The following GDPD1 variants were observed in gnomAD, a reference collection of about 807,000 sequenced individuals.
GDPD1 encodes the protein glycerophosphodiester phosphodiesterase domain containing 1, also known as lysophospholipase D GDPD1.
A neutral mutation model predicts 45.1 loss-of-function variants in GDPD1; 28 were observed. The ratio of observed to expected loss-of-function variants is 0.62; its 90% CI spans 0.46 to 0.85. GDPD1 has a LOEUF of 0.85. Ranked by LOEUF, GDPD1 falls within the 40% of genes least tolerant of loss-of-function variation. The pLI is 0.00. For missense variants in GDPD1, 256 were observed against 364.8 expected (o/e 0.70, Z 2.43); for synonymous variants, 139 against 131.4 (o/e 1.06, Z -0.40).
At position 59,220,615 on chromosome 17, in the gene GDPD1, G is replaced by T; in HGVS notation, c.6G>T (p.Ser2=). ...CTTCCCACACGGTGACTGAGATGTC[G>T]TCCACTGCGGCTTTTTACCTTCTCT... The part of the protein sequence containing the change: M[S]STAAFYLLST... The change falls in exon 1 of 10, where the codon TCG becomes TCT. Residue 2 remains serine (S), a synonymous_variant. Transcript: ENST00000284116. 1 of 1,613,532 alleles carries T rather than the reference G, an allele frequency of 6.2e-7. No homozygotes were observed. Among genetic ancestry groups the T allele is most frequent in the Non-Finnish European group, 8.5e-7 (1 of 1,179,734 alleles).
At chr17:59,249,578 A>C (rs892394958) in intron 4 of GDPD1, among the ~76,000 whole-genome samples, 7 of 152,148 alleles carry the variant, frequency 4.6e-5, no homozygotes, top group Non-Finnish European at 1.0e-4. Context: ...AGTCATCTTC[A>C]GTTAGCTGTT....
chr17:59,221,077 TC>T (rs1216117193), intron 1 of GDPD1, among the ~76,000 whole-genome samples: 1 of 151,768 alleles, frequency 6.6e-6, no homozygotes, highest in Non-Finnish European at 1.5e-5. Flanking sequence ...CAAGGTCCCT[TC>T]CTAGCAGCAA....
chr17:59,248,182 G>T (rs1382159951), intron 3 of GDPD1, among the ~76,000 whole-genome samples: 8 of 151,760 alleles, frequency 5.3e-5, no homozygotes, highest in East Asian at 1.9e-4. Flanking sequence ...CCAAAAGAAG[G>T]CCTCCCAAAA....
chr17:59,263,296 T>C (rs2047372240), intron 6 of GDPD1, among the ~76,000 whole-genome samples: 2 of 152,026 alleles, frequency 1.3e-5, no homozygotes, highest in Admixed American at 1.3e-4. Flanking sequence ...TCTCCCAAAG[T>C]GCTGAGATTA....
chr17:59,234,336 G>A (rs1291190082), intron 1 of GDPD1, among the ~76,000 whole-genome samples, 156 bp from the exon 2 acceptor site: 1 of 148,840 alleles, frequency 6.7e-6, no homozygotes, highest in Non-Finnish European at 1.5e-5. Context: ...GGGTGACAGA[G>A]CAAGACTCCG....
At chr17:59,258,467 C>T (rs758335964) in intron 6 of GDPD1, among the ~76,000 whole-genome samples, 6 of 151,890 alleles carry the variant, frequency 4.0e-5, no homozygotes, top group Admixed American at 1.3e-4. Flanking sequence ...CACTTGAACC[C>T]GGGAAGCAGA....
intron 7 of GDPD1, among the ~76,000 whole-genome samples, chr17:59,268,432 C>A (rs887730396): frequency 2.0e-5 from 3 of 151,158 alleles, no homozygotes; most frequent in East Asian, 2.0e-4. Context: ...AAAAAAAATT[C>A]TCCGGGCGTG....
chr17:59,266,793 G>T (rs28624875), intron 6 of GDPD1, among the ~76,000 whole-genome samples: 1 of 152,188 alleles, frequency 6.6e-6, no homozygotes, highest in African/African-American at 2.4e-5. Context: ...TATTGCAAAA[G>T]CAGAGACGGT....
At chr17:59,265,793 A>G (rs1004872709) in intron 6 of GDPD1, among the ~76,000 whole-genome samples, 1 of 150,232 alleles carries the variant, frequency 6.7e-6, no homozygotes, top group African/African-American at 2.5e-5. Context: ...CCCATCTATT[A>G]CAACTCAGGA....
At chr17:59,264,189 C>A (rs9916395) in intron 6 of GDPD1, among the ~76,000 whole-genome samples, 1 of 151,268 alleles carries the variant, frequency 6.6e-6, no homozygotes, top group Non-Finnish European at 1.5e-5. Context: ...TAGTAGAGAC[C>A]GGGTTTCTCC....
At chr17:59,272,274 G>A (rs1172324203) in intron 8 of GDPD1, among the ~76,000 whole-genome samples, 1 of 152,032 alleles carries the variant, frequency 6.6e-6, no homozygotes, top group Non-Finnish European at 1.5e-5. Flanking sequence ...TGAGTTACTT[G>A]GAACAAAAAA....
intron 4 of GDPD1, among the ~76,000 whole-genome samples, chr17:59,255,802 T>TACACACAC: frequency 1.1e-5 from 1 of 92,730 alleles, no homozygotes; most frequent in African/African-American, 5.5e-5. Context: ...TATATGTATA[T>TACACACAC]ATATATATAC....
chr17:59,255,773 ATATATATATATACGCGTATATATG>A (rs1271999090), intron 4 of GDPD1, among the ~76,000 whole-genome samples: 89 of 84,338 alleles, frequency 1.1e-3, no homozygotes, highest in Non-Finnish European at 1.6e-3. Context: ...ATATATATAT[ATATATATATATACGCGTATATATG>A]TATATATATA....
intron 2 of GDPD1, among the ~76,000 whole-genome samples, chr17:59,235,836 A>C (rs562018565): frequency 1.4e-4 from 21 of 151,938 alleles, no homozygotes; most frequent in African/African-American, 5.1e-4. Context: ...AAAAAAAAGT[A>C]AAATTTTTCC....
intron 6 of GDPD1, 136 bp downstream of exon 6, chr17:59,257,976 G>C: frequency 2.2e-6 from 1 of 461,444 alleles, no homozygotes; most frequent in Non-Finnish European, 3.7e-6. Context: ...ACCCAGGCTG[G>C]AGTGCAGTGG....
intron 3 of GDPD1, among the ~76,000 whole-genome samples, chr17:59,247,784 C>T (rs1171957508): frequency 1.3e-5 from 2 of 152,048 alleles, no homozygotes; most frequent in Non-Finnish European, 2.9e-5. Context: ...GCATGCGCCA[C>T]CACACCTGGC....
At chr17:59,232,095 G>A (rs1219778206) in intron 1 of GDPD1, among the ~76,000 whole-genome samples, 2 of 152,118 alleles carry the variant, frequency 1.3e-5, no homozygotes, top group Non-Finnish European at 2.9e-5. Flanking sequence ...GATGCCATAT[G>A]TCGACAAAGT....
At chr17:59,237,896 C>T (rs1399979849) in intron 2 of GDPD1, among the ~76,000 whole-genome samples, 1 of 150,516 alleles carries the variant, frequency 6.6e-6, no homozygotes, top group Non-Finnish European at 1.5e-5. Context: ...ATGGCAAAGC[C>T]CCATCTCTAC....
At chr17:59,222,288 GCTC>G (rs2047010992) in intron 1 of GDPD1, among the ~76,000 whole-genome samples, 1 of 151,788 alleles carries the variant, frequency 6.6e-6, no homozygotes, top group Non-Finnish European at 1.5e-5. Flanking sequence ...CTCACTGCAA[GCTC>G]CTCCTCCCGG....
Sources: gnomAD v4.1 joint callset for allele counts (sites outside exome capture counted in the v4.1 genomes callset) on GRCh38, gnomAD v4.1.1 for gene constraint, MANE v1.5 for transcripts, NCBI Gene and HGNC (gene_info 2026-07-23, HGNC 2026-07-21) for gene names.